PCDHA13: variants seen among roughly 807,000 people sequenced by gnomAD.
The protein encoded by PCDHA13 is protocadherin alpha-13.
PCDHA13 carries 54 observed loss-of-function variants against 64.8 expected under a neutral mutation model. That is an observed-to-expected ratio of 0.83 (90% CI 0.67 to 1.04). The LOEUF (loss-of-function observed/expected upper bound fraction) is 1.04. Among genes scored for constraint, PCDHA13 ranks in the 50% least tolerant of loss-of-function variants. The pLI, the probability that PCDHA13 is intolerant of heterozygous loss-of-function variation, is 0.00. For missense variants in PCDHA13, 1,248 were observed against 1,254.3 expected (o/e 0.99, Z 0.08); for synonymous variants, 587 against 564.4 (o/e 1.04, Z -0.57).
chr5:140,883,834 G>T lies in PCDHA13; in HGVS notation c.1566G>T (p.Pro522=), dbSNP rs891069385. The part of the protein sequence containing the change: ...AESGKVYALQ[P]LDHEELELLQ... ...GCGGCAAGGTGTACGCGCTGCAGCC[G>T]TTGGACCACGAGGAGCTGGAGCTGT... is the stretch of plus-strand genomic sequence containing the variant. Residue 522 remains proline, a synonymous_variant, in exon 1 of 4, where the codon CCG becomes CCT. Transcript: ENST00000289272. 3 of 1,612,540 alleles carry T rather than the reference G, an allele frequency of 1.9e-6. No homozygotes were observed. Among genetic ancestry groups the T allele is most frequent in the Non-Finnish European group, 2.5e-6 (3 of 1,179,826 alleles).
intron 1 of PCDHA13, among the ~76,000 whole-genome samples, chr5:140,959,036 GTATGT>G (rs2095460948): frequency 6.6e-6 from 1 of 152,032 alleles, no homozygotes; most frequent in African/African-American, 2.4e-5. Flanking sequence ...TCATGGGTAT[GTATGT>G]ATAGGAAAAA....
chr5:140,967,173 T>C, intron 1 of PCDHA13: 1 of 1,611,178 alleles, frequency 6.2e-7, no homozygotes, highest in Non-Finnish European at 8.5e-7. Context: ...GCCGTTGAGG[T>C]GGAAATATTG....
chr5:140,930,768 C>G (rs1049798577), intron 1 of PCDHA13, among the ~76,000 whole-genome samples: 2 of 152,094 alleles, frequency 1.3e-5, no homozygotes, highest in South Asian at 2.1e-4. Context: ...ATTTTCTGTA[C>G]TTAATATTTT....
chr5:140,925,371 A>G (rs1266840293), intron 1 of PCDHA13, among the ~76,000 whole-genome samples: 2 of 152,136 alleles, frequency 1.3e-5, no homozygotes, highest in Non-Finnish European at 2.9e-5. Context: ...CATAGTCAAT[A>G]GTCAATGAGT....
At chr5:140,909,523 C>G (rs1265179214) in intron 1 of PCDHA13, among the ~76,000 whole-genome samples, 1 of 152,172 alleles carries the variant, frequency 6.6e-6, no homozygotes, top group Non-Finnish European at 1.5e-5. Context: ...AACCCCTGCA[C>G]ATTTTGAGTC....
intron 3 of PCDHA13, among the ~76,000 whole-genome samples, chr5:140,987,213 CAA>C (rs58319157): frequency 9.3e-5 from 11 of 118,826 alleles, no homozygotes; most frequent in African/African-American, 1.6e-4. Flanking sequence ...GACTCCATCT[CAA>C]AAAAAAAAAA....
At position 140,981,034 on chromosome 5, in the gene PCDHA13, A is replaced by G. The variant is rs376817771; in HGVS notation, c.2454-1441A>G. ...ACTTGAAGGCTGTTAATATTTGGGGAAAAAAAACAGATAATTCTAGAGTGT... is the reference window on the plus strand; with the variant it reads ...ACTTGAAGGCTGTTAATATTTGGGGGAAAAAAACAGATAATTCTAGAGTGT... On this transcript the variant is annotated intron_variant, in intron 2 of 3. Transcript: ENST00000289272. Among the ~76,000 whole-genome samples, 183 of 149,642 alleles carry G rather than the reference A, an allele frequency of 1.2e-3. 1 individual carries two copies. Among genetic ancestry groups the G allele is most frequent in the African/African-American group, 4.1e-3 (163 of 39,298 alleles).
chr5:140,966,710 G>A, intron 1 of PCDHA13: 1 of 1,391,664 alleles, frequency 7.2e-7, no homozygotes, highest in Non-Finnish European at 9.3e-7. Flanking sequence ...GTGGGGCACG[G>A]CTGGGGAAGC....
Position 140,894,936 on chromosome 5 carries a change from A to G in PCDHA13, c.2394+10274A>G, listed in dbSNP as rs560165058. Among the ~76,000 whole-genome samples the G allele has an allele frequency of 3.5e-4, 53 of 152,142 alleles. 1 individual carries two copies. The highest frequency in any genetic ancestry group is 5.6e-4 in the Non-Finnish European group (38 of 68,020). On this transcript the variant is annotated intron_variant, in intron 1 of 3. Transcript: ENST00000289272. ...TTGCTCTATAGATTTCTATTCAGCTATTGTCATGAAATGATAAAAATATAA... is the reference window on the plus strand; with the variant it reads ...TTGCTCTATAGATTTCTATTCAGCTGTTGTCATGAAATGATAAAAATATAA...
At position 140,972,813 on chromosome 5, in the gene PCDHA13, G is replaced by A. The variant is rs559474622; in HGVS notation, c.2395-6136G>A. Reference sequence around the variant, plus strand: ...TGAGTAGCTGAGATTACAGGCACGCGCCACCACGCCTGGCTAATTTTTGTA... The same window carrying A: ...TGAGTAGCTGAGATTACAGGCACGCACCACCACGCCTGGCTAATTTTTGTA... On this transcript the variant is annotated intron_variant, in intron 1 of 3. Transcript: ENST00000289272. Among the ~76,000 whole-genome samples, 11 of 151,984 alleles carry A rather than the reference G, an allele frequency of 7.2e-5. No individual in the cohort carries two copies. In the East Asian group the frequency reaches 1.2e-3, roughly 16 times the overall value.
At position 140,978,952 on chromosome 5, in the gene PCDHA13, C is replaced by T. The variant is rs374951627; in HGVS notation, c.2398C>T (p.Arg800Ter). Residue 800 changes from arginine (R) to a stop codon, truncating the protein, a stop_gained, in exon 2 of 4, where the codon CGA (arginine) becomes TGA (stop). Coordinates refer to ENST00000289272, the MANE Select transcript of PCDHA13 (RefSeq NM_018904.3). LOFTEE classifies it high-confidence loss of function. ...EEDSECLKEP[R>*]QPNPDWRYSA... ...AACTCTCTTTGTGATTTTGCAGCCA[C>T]GACAGCCCAACCCTGACTGGCGTTA... is the stretch of plus-strand genomic sequence containing the variant. 5.0e-6 allele frequency: 8 copies of T among 1,614,018 alleles called. No individual in the cohort carries two copies. The highest frequency in any genetic ancestry group is 2.2e-5 in the South Asian group (2 of 91,070).
chr5:140,972,733 G>A (rs1037610917), intron 1 of PCDHA13, among the ~76,000 whole-genome samples: 7 of 147,652 alleles, frequency 4.7e-5, no homozygotes, highest in Non-Finnish European at 7.4e-5. Context: ...GCGTAATCCC[G>A]GCTCACTGCA....
At chr5:140,926,471 T>G in intron 1 of PCDHA13, 1 of 162,332 alleles carries the variant, frequency 6.2e-6, no homozygotes, top group Non-Finnish European at 1.3e-5. Context: ...GAAAACACCG[T>G]TTAAGGAGAG....
chr5:140,932,608 T>C (rs573580763), intron 1 of PCDHA13, among the ~76,000 whole-genome samples: 1 of 151,996 alleles, frequency 6.6e-6, no homozygotes, highest in African/African-American at 2.4e-5. Flanking sequence ...TATTTTGACT[T>C]TGAAGCTGAT....
At chr5:140,918,766 C>T (rs1387250517) in intron 1 of PCDHA13, among the ~76,000 whole-genome samples, 2 of 152,170 alleles carry the variant, frequency 1.3e-5, no homozygotes, top group Non-Finnish European at 2.9e-5. Flanking sequence ...GGTGCCTTGC[C>T]TCTTTCACCA....
chr5:140,918,234 T>G (rs1188816850), intron 1 of PCDHA13, among the ~76,000 whole-genome samples: 1 of 152,210 alleles, frequency 6.6e-6, no homozygotes, highest in Non-Finnish European at 1.5e-5. Context: ...TTTTGTACAT[T>G]GATTTTGTAT....
chr5:140,890,173 C>T (rs1188650558), intron 1 of PCDHA13, among the ~76,000 whole-genome samples: 4 of 152,114 alleles, frequency 2.6e-5, no homozygotes, highest in African/African-American at 7.2e-5. Context: ...CAGAAATAGG[C>T]AAATGCTACA....
intron 1 of PCDHA13, among the ~76,000 whole-genome samples, chr5:140,950,786 T>A (rs890329662): frequency 6.6e-6 from 1 of 152,140 alleles, no homozygotes; most frequent in Non-Finnish European, 1.5e-5. Context: ...TGGTACTTTT[T>A]AAATATTGTC....
chr5:140,946,091 A>G (rs1554217315), intron 1 of PCDHA13, among the ~76,000 whole-genome samples: 1 of 152,040 alleles, frequency 6.6e-6, no homozygotes, highest in Non-Finnish European at 1.5e-5. Flanking sequence ...TCTGATAAGG[A>G]GTTAACATAC....
Sources: allele counts gnomAD v4.1 joint callset (sites outside exome capture counted in the v4.1 genomes callset), GRCh38; gene constraint gnomAD v4.1.1; transcripts MANE v1.5; gene names NCBI Gene and HGNC (gene_info 2026-07-23, HGNC 2026-07-21).